Variants in AGAP1 observed in about 807,000 individuals in gnomAD.
AGAP1 encodes ArfGAP with GTPase domain, ankyrin repeat and PH domain 1.
AGAP1 carries 29 observed loss-of-function variants against 105.3 expected under a neutral mutation model. That is an observed-to-expected ratio of 0.28 (90% CI 0.21 to 0.38). The LOEUF (loss-of-function observed/expected upper bound fraction) is 0.38, where lower values mean the gene tolerates loss of function less well. Among genes scored for constraint, AGAP1 ranks in the 10% least tolerant of loss-of-function variants. AGAP1 has a pLI of 1.00. For missense variants in AGAP1, 998 were observed against 1,165.1 expected (o/e 0.86, Z 2.09); for synonymous variants, 509 against 485.9 (o/e 1.05, Z -0.63).
intron 6 of AGAP1, among the ~76,000 whole-genome samples, chr2:235,757,946 T>C (rs1328147315): frequency 6.6e-6 from 1 of 152,196 alleles, no homozygotes; most frequent in Non-Finnish European, 1.5e-5. Context: ...GGGTCCTGCA[T>C]CATCTTGGAC....
intron 12 of AGAP1, among the ~76,000 whole-genome samples, chr2:235,952,907 C>T (rs982569175): frequency 6.6e-6 from 1 of 152,170 alleles, no homozygotes; most frequent in Non-Finnish European, 1.5e-5. Context: ...GCCCTATGGG[C>T]TGGGCGGCTC....
In AGAP1 at chr2:235,859,399, C is replaced by CT. The variant is rs1318140325; in HGVS notation, c.1051-23946_1051-23945insT. ...CAACTCTCCCCCCACAACCTCCCCC[C>CT]CCCCCCCCGCCTTTTGTTCCATCCC... On this transcript the variant is annotated intron_variant, in intron 9 of 17. Coordinates refer to ENST00000304032, the MANE Select transcript of AGAP1 (RefSeq NM_001037131.3). 1.9e-4 allele frequency among the ~76,000 whole-genome samples: 16 copies of CT among 86,138 alleles called. No individual in the cohort carries two copies. The East Asian group carries it at 0.016, about 85-fold the overall frequency. 56.5% of individuals were successfully genotyped at this position (86,138 alleles called of 152,430 possible). A position where few individuals can be genotyped will look rare whatever the true frequency, so the allele number is the denominator to read the frequency against.
rs939480781 is a variant in AGAP1 at position 236,087,146 on chromosome 2, C to T, written c.2115-33046C>T. Among the ~76,000 whole-genome samples the T allele has an allele frequency of 6.6e-6, 1 of 152,120 alleles. No individual in the cohort carries two copies. Among genetic ancestry groups the T allele is most frequent in the Non-Finnish European group, 1.5e-5 (1 of 68,020 alleles). On this transcript the variant is annotated intron_variant, in intron 16 of 17. Transcript: ENST00000304032. The surrounding 1 kb of genome is among the most constrained non-coding windows in gnomAD (Gnocchi z 5.7). Reference sequence around the variant, plus strand: ...AAACAGAGCTGAAAAGGAAGAAGGCCCATTTGCTTCTGGGAATCCAATAAA... The same window carrying T: ...AAACAGAGCTGAAAAGGAAGAAGGCTCATTTGCTTCTGGGAATCCAATAAA...
chr2:235,944,796 G>A (rs918118260), intron 12 of AGAP1, among the ~76,000 whole-genome samples: 5 of 152,130 alleles, frequency 3.3e-5, no homozygotes, highest in Non-Finnish European at 7.3e-5. Flanking sequence ...CAAGACAGGC[G>A]GGTCAGGCCC....
At chr2:235,636,671 C>T (rs1237083623) in intron 1 of AGAP1, among the ~76,000 whole-genome samples, 5 of 152,166 alleles carry the variant, frequency 3.3e-5, no homozygotes, top group Non-Finnish European at 4.4e-5. Flanking sequence ...AGAGGTGAGT[C>T]GGCCTGACCA....
chr2:235,909,959 TG>T (rs1265296144), intron 11 of AGAP1, among the ~76,000 whole-genome samples: 2 of 151,970 alleles, frequency 1.3e-5, no homozygotes, highest in African/African-American at 4.8e-5. Flanking sequence ...AGGCAGAGGT[TG>T]CAGTGAGCCA....
intron 14 of AGAP1, among the ~76,000 whole-genome samples, chr2:236,037,662 A>T (rs765963483): frequency 3.9e-5 from 6 of 152,178 alleles, no homozygotes; most frequent in Non-Finnish European, 4.4e-5. Context: ...CCTGCCTCAG[A>T]CACCCAGAGT....
chr2:235,718,223 A>G (rs1337816636), intron 3 of AGAP1, among the ~76,000 whole-genome samples: 1 of 152,210 alleles, frequency 6.6e-6, no homozygotes, highest in Non-Finnish European at 1.5e-5. Context: ...TGATAATGGT[A>G]GGAAGCATTT....
At position 235,739,346 on chromosome 2, in the gene AGAP1, CT is replaced by C. The variant is rs1456515125; in HGVS notation, c.311-1611del. On this transcript the variant is annotated intron_variant, in intron 3 of 17. Coordinates refer to ENST00000304032, the MANE Select transcript of AGAP1 (RefSeq NM_001037131.3). The surrounding 1 kb of genome is among the most constrained non-coding windows in gnomAD (Gnocchi z 5.3). ...CAACAGCTCTGCTAGAAAAGCATTT[CT>C]TTTTTGCCTACGAGGACTCTCGATT... 2.0e-5 allele frequency among the ~76,000 whole-genome samples: 3 copies of C among 152,184 alleles called. No individual in the cohort carries two copies. In the East Asian group the frequency reaches 5.8e-4, roughly 29 times the overall value.
Position 235,983,332 on chromosome 2 carries a change from T to C in AGAP1, c.1645+14709T>C, listed in dbSNP as rs550094829. Among the ~76,000 whole-genome samples the C allele has an allele frequency of 7.9e-5, 12 of 152,278 alleles. No homozygotes were observed. The highest frequency in any genetic ancestry group is 2.6e-4 in the African/African-American group (11 of 41,578). On this transcript the variant is annotated intron_variant, in intron 13 of 17. Transcript: ENST00000304032. The surrounding 1 kb of genome is among the most constrained non-coding windows in gnomAD (Gnocchi z 4.5). Reference sequence around the variant, plus strand: ...TTCTCCCCTTGCTAGGCCCCCTCCTTTTGTTCAGCTCCTCCTCTCCAGCAC... The same window carrying C: ...TTCTCCCCTTGCTAGGCCCCCTCCTCTTGTTCAGCTCCTCCTCTCCAGCAC...
intron 1 of AGAP1, among the ~76,000 whole-genome samples, chr2:235,522,636 C>T (rs1471607881): frequency 4.0e-5 from 6 of 151,778 alleles, no homozygotes; most frequent in African/African-American, 7.3e-5. Context: ...ATTGCAGGGA[C>T]GGGGTGATGC....
rs1354409830 is a variant in AGAP1, at chr2:235,716,705, G to C, written c.223-852G>C. On this transcript the variant is annotated intron_variant, in intron 2 of 17. Transcript: ENST00000304032. This position sits in a 1 kb window ranked among gnomAD's most constrained non-coding sequence, Gnocchi z 4.0. ...CAGCTTCCCAGAGAAGGCGGCATGGGGGGTATCCAGCTCCCAAGCACAGGG... is the reference window on the plus strand; with the variant it reads ...CAGCTTCCCAGAGAAGGCGGCATGGCGGGTATCCAGCTCCCAAGCACAGGG... 6.6e-6 allele frequency among the ~76,000 whole-genome samples: 1 copy of C among 152,092 alleles called. No individual in the cohort carries two copies. The highest frequency in any genetic ancestry group is 6.5e-5 in the Admixed American group (1 of 15,274).
chr2:235,959,434 C>T lies in AGAP1; in HGVS notation c.1484-9028C>T, dbSNP rs1404003222. ...GGAATGTTAAACAACTCCTTGAAAG[C>T]GAGCTCTCGACACCTAGAAGCCAGG... On this transcript the variant is annotated intron_variant, in intron 12 of 17. Transcript: ENST00000304032. The surrounding 1 kb of genome is among the most constrained non-coding windows in gnomAD (Gnocchi z 7.3). Among the ~76,000 whole-genome samples, 5 of 152,140 alleles carry T rather than the reference C, an allele frequency of 3.3e-5. No homozygotes were observed. The highest frequency in any genetic ancestry group is 9.7e-5 in the African/African-American group (4 of 41,432).
At chr2:235,670,506 C>T (rs552914893) in intron 1 of AGAP1, 200 of 496,492 alleles carry the variant, frequency 4.0e-4, no homozygotes, top group African/African-American at 3.9e-3. Flanking sequence ...TCGCCCGCGT[C>T]CGGCAGCCCC....
intron 1 of AGAP1, among the ~76,000 whole-genome samples, chr2:235,704,703 G>A (rs1247900171): frequency 6.6e-6 from 1 of 152,212 alleles, no homozygotes; most frequent in Non-Finnish European, 1.5e-5. Flanking sequence ...ATGCTCACCT[G>A]TTGCTGGCTT....
rs1952503202 is a variant in AGAP1, at chr2:235,740,277, C to G, written c.311-686C>G. Reference sequence around the variant, plus strand: ...AGCACCAGGCCCCTCATGCCCGCACCCCCTCCTCATGGTCACCTCTGTTCC... The same window carrying G: ...AGCACCAGGCCCCTCATGCCCGCACGCCCTCCTCATGGTCACCTCTGTTCC... On this transcript the variant is annotated intron_variant, in intron 3 of 17. Transcript: ENST00000304032. This position sits in a 1 kb window ranked among gnomAD's most constrained non-coding sequence, Gnocchi z 5.7. Among the ~76,000 whole-genome samples the G allele has an allele frequency of 6.6e-6, 1 of 152,032 alleles. No individual in the cohort carries two copies. Among genetic ancestry groups the G allele is most frequent in the South Asian group, 2.1e-4 (1 of 4,802 alleles).
rs559644420 is a variant in AGAP1, at chr2:235,723,800, T to TGGTTGGTTGGTC, written c.310+6159_310+6160insTGGTTGGTCGGT. Among the ~76,000 whole-genome samples, 508 of 151,092 alleles carry TGGTTGGTTGGTC rather than the reference T, an allele frequency of 3.4e-3. 2 individuals carry two copies. Among genetic ancestry groups the TGGTTGGTTGGTC allele is most frequent in the African/African-American group, 0.012 (483 of 40,830 alleles). On this transcript the variant is annotated intron_variant, in intron 3 of 17. Coordinates refer to ENST00000304032, the MANE Select transcript of AGAP1 (RefSeq NM_001037131.3). The surrounding 1 kb of genome is among the most constrained non-coding windows in gnomAD (Gnocchi z 6.2). ...TTGGTTGGTTGGTTGGTTGGTTGGT[T>TGGTTGGTTGGTC]GGTCGATCGACAGAGACTTAAGAAT...
In AGAP1 at chr2:235,578,205, A is replaced by G. The variant is rs1382729552; in HGVS notation, c.163+83356A>G. On this transcript the variant is annotated intron_variant, in intron 1 of 17. Transcript: ENST00000304032. This position sits in a 1 kb window ranked among gnomAD's most constrained non-coding sequence, Gnocchi z 4.9. Reference sequence around the variant, plus strand: ...GGAGCTGAGCCCCCCATGTCATGAAACTGCCACTGTCAGAGCCAGCCTGAG... The same window carrying G: ...GGAGCTGAGCCCCCCATGTCATGAAGCTGCCACTGTCAGAGCCAGCCTGAG... Among the ~76,000 whole-genome samples, 1 of 152,010 alleles carries G rather than the reference A, an allele frequency of 6.6e-6. No individual in the cohort carries two copies. Among genetic ancestry groups the G allele is most frequent in the Non-Finnish European group, 1.5e-5 (1 of 67,996 alleles).
chr2:235,511,400 C>T (rs1017413557), intron 1 of AGAP1, among the ~76,000 whole-genome samples: 5 of 152,032 alleles, frequency 3.3e-5, no homozygotes, highest in Non-Finnish European at 7.4e-5. Flanking sequence ...GGGAGGGGGG[C>T]AGCCAGGAGC....
Sources: gnomAD v4.1 joint callset for allele counts (sites outside exome capture counted in the v4.1 genomes callset) on GRCh38, gnomAD v4.1.1 for gene constraint, Gnocchi (gnomAD v3.1) non-coding constraint, MANE v1.5 for transcripts, NCBI Gene and HGNC (gene_info 2026-07-23, HGNC 2026-07-21) for gene names.